Variants in PIEZO1 observed in about 807,000 individuals in gnomAD.
PIEZO1 encodes the protein piezo type mechanosensitive ion channel component 1 (Er blood group).
A neutral mutation model predicts 297.2 loss-of-function variants in PIEZO1; 296 were observed. The observed-to-expected ratio is 1.00, with a 90% CI of 0.91 to 1.10. PIEZO1 has a LOEUF of 1.10. Among genes scored for constraint, PIEZO1 ranks in the 50% least tolerant of loss-of-function variants. PIEZO1 has a pLI of 0.00. For synonymous variants in PIEZO1, 2,427 were observed against 1,507.5 expected (o/e 1.61, Z -14.13); for missense variants, 5,018 against 3,455.5 (o/e 1.45, Z -11.34).
chr16:88,733,766 G>C (rs1351440154), intron 17 of PIEZO1, 21 bp from the exon 18 acceptor site: 11 of 1,511,618 alleles, frequency 7.3e-6, no homozygotes, highest in Admixed American at 2.2e-5. Context: ...GTGAGGGTCA[G>C]TGCGGGGCAC....
intron 10 of PIEZO1, 196 bp downstream of exon 10, chr16:88,737,363 G>C (rs1046207135): frequency 5.0e-5 from 28 of 555,436 alleles, no homozygotes; most frequent in African/African-American, 4.4e-4. Flanking sequence ...GGGTTGGTCA[G>C]TGACATGGCC....
rs1389948999 is a variant in PIEZO1 at position 88,715,917 on chromosome 16, C to A, written c.7316+16G>T. ...GCCCCCCGAGCTGCGGGGTGCCCCC[C>A]CAGCCACTCACTCACCCGTAGCCAG... On this transcript the variant is annotated intron_variant, in intron 50 of 50. Coordinates refer to ENST00000301015, the MANE Select transcript of PIEZO1 (RefSeq NM_001142864.4). 26 of 1,547,068 alleles carry A rather than the reference C, an allele frequency of 1.7e-5. No homozygotes were observed. Among genetic ancestry groups the A allele is most frequent in the Non-Finnish European group, 2.1e-5 (24 of 1,144,454 alleles).
intron 18 of PIEZO1, 53 bp downstream of exon 18, chr16:88,733,535 A>G: frequency 6.6e-7 from 1 of 1,526,132 alleles, no homozygotes; most frequent in Non-Finnish European, 8.9e-7. Context: ...CCAGCTGGGC[A>G]GGCCAGAGCG....
In PIEZO1 at chr16:88,733,319, T is replaced by A; in HGVS notation, c.2623A>T (p.Lys875Ter). Residue 875 changes from lysine (K) to a stop codon, truncating the protein, a stop_gained, in exon 19 of 51, where the codon AAG (lysine) becomes TAG (stop). Transcript: ENST00000301015. LOFTEE classifies it high-confidence loss of function. ...IIVCKMLYQL[K>*]VVNPQEYSSN... is the part of the protein sequence containing the mutation. The stretch of plus-strand genomic sequence containing the variant: ...GAATACTCCTGGGGGTTGACAACCT[T>A]GAGCTGGTACAGCATCTTACACACG... The A allele has an allele frequency of 6.5e-7, 1 of 1,549,576 alleles. No individual in the cohort carries two copies. Among genetic ancestry groups the A allele is most frequent in the Non-Finnish European group, 8.7e-7 (1 of 1,146,318 alleles).
At position 88,732,716 on chromosome 16, in the gene PIEZO1, G is replaced by A. The variant is rs1904946857; in HGVS notation, c.2681C>T (p.Thr894Ile). The change falls in exon 20 of 51, where the codon ACC becomes ATC. Residue 894 changes from threonine (T) to isoleucine (I), a missense_variant. Coordinates refer to ENST00000301015, the MANE Select transcript of PIEZO1 (RefSeq NM_001142864.4). The part of the protein sequence containing the change: ...SNCTEPFPNS[T>I]NLLPTEISQS... Reference sequence around the variant, plus strand: ...GCTGATCTCCGTGGGCAGCAAGTTGGTGCTGTTGGGGAAGGGCTGGCAAGA... The same window carrying A: ...GCTGATCTCCGTGGGCAGCAAGTTGATGCTGTTGGGGAAGGGCTGGCAAGA... 1 of 1,548,000 alleles carries A rather than the reference G, an allele frequency of 6.5e-7. No homozygotes were observed. The highest frequency in any genetic ancestry group is 8.7e-7 in the Non-Finnish European group (1 of 1,145,586).
At chr16:88,723,751 C>G in intron 31 of PIEZO1, 120 bp downstream of exon 31, 2 of 635,340 alleles carry the variant, frequency 3.1e-6, no homozygotes, top group Admixed American at 5.2e-5. Context: ...GGTGGGCTAA[C>G]TGGAGGTGGA....
rs919085550 is a variant in PIEZO1, at chr16:88,715,566, C to T, written c.*39G>A. On this transcript the variant is annotated 3_prime_UTR_variant, in exon 51 of 51. Coordinates refer to ENST00000301015, the MANE Select transcript of PIEZO1 (RefSeq NM_001142864.4). ...CGCCCCTTGTGGCCACGCTGCCCAG[C>T]AGGCCGGCTCCTTCCCTCTCGGGCG... is the stretch of plus-strand genomic sequence containing the variant. 24 of 1,534,914 alleles carry T rather than the reference C, an allele frequency of 1.6e-5. No individual in the cohort carries two copies. In the African/African-American group the frequency reaches 3.2e-4, roughly 20 times the overall value.
chr16:88,720,392 G>C lies in PIEZO1; in HGVS notation c.5942C>G (p.Ala1981Gly). The stretch of plus-strand genomic sequence containing the variant: ...GTCCCGGGCCTGGCTCACCCCAAAG[G>C]CCCAGAAGCCAAAAATGATGATGAT... ...DFIIIIFGFW[A>G]FGKHSAATDI... is the part of the protein sequence containing the mutation. Residue 1981 changes from alanine (A) to glycine (G), a missense_variant, in exon 41 of 51, where the codon GCC (alanine) becomes GGC (glycine). Coordinates refer to ENST00000301015, the MANE Select transcript of PIEZO1 (RefSeq NM_001142864.4). The C allele has an allele frequency of 2.6e-6, 4 of 1,550,360 alleles. No homozygotes were observed. The highest frequency in any genetic ancestry group is 3.5e-6 in the Non-Finnish European group (4 of 1,146,960).
At chr16:88,780,400 G>A (rs1331693978) in intron 1 of PIEZO1, among the ~76,000 whole-genome samples, 2 of 71,696 alleles carry the variant, frequency 2.8e-5, no homozygotes, top group Non-Finnish European at 5.9e-5. Context: ...GTAGGGGAAG[G>A]GGGGGTCCCA....
At chr16:88,748,591 G>C (rs1239702423) in intron 2 of PIEZO1, among the ~76,000 whole-genome samples, 2 of 151,844 alleles carry the variant, frequency 1.3e-5, no homozygotes, top group African/African-American at 4.8e-5. Context: ...GGCTGCCAGA[G>C]CCTCAGCAGG....
intron 1 of PIEZO1, among the ~76,000 whole-genome samples, chr16:88,775,010 A>G (rs1907593518): frequency 6.6e-6 from 1 of 152,208 alleles, no homozygotes; most frequent in Non-Finnish European, 1.5e-5. Context: ...AGGGACCCAA[A>G]GGCACCCACT....
At position 88,784,902 on chromosome 16, in the gene PIEZO1, A is replaced by T. The variant is rs2911442; in HGVS notation, c.63T>A (p.Ala21=). ...CCCAGGCGCCCGCCCCCCACTCACC[A>T]GCCAGCAGCGCGCAGGGCAGCAGCA... ...YWLLLPCALL[A]ACLLRFSGLS... The change falls in exon 1 of 51, where the codon GCT becomes GCA. Residue 21 remains alanine, a splice_region_variant and synonymous_variant. Coordinates refer to ENST00000301015, the MANE Select transcript of PIEZO1 (RefSeq NM_001142864.4). 7.0e-7 allele frequency: 1 copy of T among 1,429,638 alleles called. No individual in the cohort carries two copies. The highest frequency in any genetic ancestry group is 9.2e-7 in the Non-Finnish European group (1 of 1,088,808). 88.6% of individuals were successfully genotyped at this position (1,429,638 alleles called of 1,614,324 possible).
chr16:88,723,793 G>C, intron 31 of PIEZO1, 78 bp downstream of exon 31: 1 of 781,766 alleles, frequency 1.3e-6, no homozygotes, highest in Non-Finnish European at 2.2e-6. Flanking sequence ...GGGGGCATCT[G>C]ACACCCTCTA....
intron 2 of PIEZO1, chr16:88,743,559 C>T (rs992614000): frequency 2.0e-5 from 9 of 456,556 alleles, no homozygotes; most frequent in East Asian, 6.9e-5. Context: ...GGCCTCGGGG[C>T]GCAAACTCAG....
intron 22 of PIEZO1, chr16:88,731,189 A>G (rs184664790): frequency 6.3e-6 from 1 of 159,046 alleles, no homozygotes; most frequent in South Asian, 1.8e-4. Context: ...AGACTAGAGC[A>G]AACATCAGAC....
rs1904940175 is a variant in PIEZO1, at chr16:88,732,643, C to T, written c.2754G>A (p.Gly918=). 6.5e-7 allele frequency: 1 copy of T among 1,549,612 alleles called. No homozygotes were observed. Among genetic ancestry groups the T allele is most frequent in the African/African-American group, 1.4e-5 (1 of 73,040 alleles). ...RGPVDPANWF[G]VRKGFPNLGY... ...CCAGGTTGGGGAACCCTTTCCGCAC[C>T]CCAAACCAGTTGGCAGGGTCCACGG... Residue 918 remains glycine (G), a synonymous_variant, in exon 20 of 51, where the codon GGG becomes GGA. Coordinates refer to ENST00000301015, the MANE Select transcript of PIEZO1 (RefSeq NM_001142864.4).
At chr16:88,734,625 C>A (rs942475590) in intron 15 of PIEZO1, 25 bp downstream of exon 15, 19 of 1,549,698 alleles carry the variant, frequency 1.2e-5, no homozygotes, top group Non-Finnish European at 1.6e-5. Flanking sequence ...GGCGCCCCTG[C>A]CCCACCGCCC....
chr16:88,726,380 C>T lies in PIEZO1; in HGVS notation c.3872G>A (p.Cys1291Tyr). ...EEAGIIWDSV[C>Y]FFFLLLQRRV... Reference sequence around the variant, plus strand: ...GCGCTGCAGCAGCAGGAAGAAGAAGCAGACGCTGTCCCAGATGATGCCAGC... The same window carrying T: ...GCGCTGCAGCAGCAGGAAGAAGAAGTAGACGCTGTCCCAGATGATGCCAGC... Residue 1291 changes from cysteine (C) to tyrosine (Y), a missense_variant, in exon 27 of 51, where the codon TGC (cysteine) becomes TAC (tyrosine). Cys to Tyr is a radical substitution (Grantham distance 194). Transcript: ENST00000301015. 2 of 1,550,470 alleles carry T rather than the reference C, an allele frequency of 1.3e-6. No homozygotes were observed. Among genetic ancestry groups the T allele is most frequent in the South Asian group, 1.2e-5 (1 of 84,064 alleles).
chr16:88,782,666 T>C (rs977659065), intron 1 of PIEZO1, among the ~76,000 whole-genome samples: 1 of 152,178 alleles, frequency 6.6e-6, no homozygotes, highest in Non-Finnish European at 1.5e-5. Context: ...GCCTCATTCA[T>C]TTCCAAAACA....
Sources: allele counts gnomAD v4.1 joint callset (sites outside exome capture counted in the v4.1 genomes callset), GRCh38; gene constraint gnomAD v4.1.1; transcripts MANE v1.5; gene names NCBI Gene and HGNC (gene_info 2026-07-23, HGNC 2026-07-21).